Variants in DCC observed in about 807,000 individuals in gnomAD.
DCC encodes netrin receptor DCC.
In DCC, 58 loss-of-function variants were observed where a neutral mutation model predicts 172.5. The ratio of observed to expected loss-of-function variants is 0.34; its 90% CI spans 0.27 to 0.42. The LOEUF (loss-of-function observed/expected upper bound fraction) is 0.42. DCC is among the 10% of genes least tolerant of loss of function. The pLI is 1.00. For missense variants in DCC, 1,740 were observed against 1,791.0 expected (o/e 0.97, Z 0.51); for synonymous variants, 709 against 644.5 (o/e 1.10, Z -1.52).
intron 2 of DCC, among the ~76,000 whole-genome samples, chr18:52,812,667 G>T (rs1471027861): frequency 6.6e-6 from 1 of 152,188 alleles, no homozygotes; most frequent in Non-Finnish European, 1.5e-5. Flanking sequence ...TGCATTTTCA[G>T]AAAACTCAGT....
At chr18:52,948,827 T>C (rs1273808309) in intron 5 of DCC, among the ~76,000 whole-genome samples, 1 of 148,920 alleles carries the variant, frequency 6.7e-6, no homozygotes, top group Non-Finnish European at 1.5e-5. Flanking sequence ...TGTCATATGT[T>C]GTTGTTGTTC....
intron 2 of DCC, among the ~76,000 whole-genome samples, chr18:52,771,930 T>C (rs1222992219): frequency 2.0e-5 from 3 of 151,724 alleles, no homozygotes; most frequent in African/African-American, 4.8e-5. Flanking sequence ...TCAGTGAGGC[T>C]GTTGTCTTTA....
chr18:52,504,558 T>C (rs1008305169), intron 1 of DCC, among the ~76,000 whole-genome samples: 2 of 152,216 alleles, frequency 1.3e-5, no homozygotes, highest in African/African-American at 2.4e-5. Flanking sequence ...TAGAGTCATA[T>C]TGGCTTGGTT....
chr18:53,397,424 A>G lies in DCC; in HGVS notation c.2805A>G (p.Ala935=). 2 of 1,614,064 alleles carry G rather than the reference A, an allele frequency of 1.2e-6. No homozygotes were observed. Among genetic ancestry groups the G allele is most frequent in the Non-Finnish European group, 1.7e-6 (2 of 1,179,942 alleles). Residue 935 remains alanine (A), a synonymous_variant, in exon 18 of 29, where the codon GCA becomes GCG. Coordinates refer to ENST00000442544, the MANE Select transcript of DCC (RefSeq NM_005215.4). The part of the protein sequence containing the change: ...NRRSSTWSMT[A]HATTYEAAPT... The stretch of plus-strand genomic sequence containing the variant: ...GGTCCAGTACTTGGAGCATGACTGC[A>G]CATGCCACCACGTATGAAGCAGGTA...
At chr18:53,295,475 T>C (rs1352524682) in intron 12 of DCC, among the ~76,000 whole-genome samples, 1 of 152,140 alleles carries the variant, frequency 6.6e-6, no homozygotes, top group East Asian at 1.9e-4. Flanking sequence ...TTCATAGATA[T>C]TTATGTTCTA....
chr18:52,787,411 G>T (rs2037680359), intron 2 of DCC, among the ~76,000 whole-genome samples: 1 of 151,526 alleles, frequency 6.6e-6, no homozygotes, highest in Admixed American at 6.6e-5. Flanking sequence ...AAGTTTCCAG[G>T]GTAGTTAGTT....
rs890193333 is a variant in DCC at position 52,913,887 on chromosome 18, A to G, written c.697+7559A>G. Among the ~76,000 whole-genome samples the G allele has an allele frequency of 3.3e-5, 5 of 152,122 alleles. No homozygotes were observed. The South Asian group carries it at 8.3e-4, about 25-fold the overall frequency. On this transcript the variant is annotated intron_variant, in intron 3 of 28. Coordinates refer to ENST00000442544, the MANE Select transcript of DCC (RefSeq NM_005215.4). ...ACAAAAAAATAGTGAAAAGACCTGT[A>G]GAGCTTGCTTCCTTCTTTGGCCTCA...
At chr18:53,465,092 T>C (rs926356644) in intron 24 of DCC, among the ~76,000 whole-genome samples, 12 of 152,104 alleles carry the variant, frequency 7.9e-5, no homozygotes, top group African/African-American at 2.7e-4. Flanking sequence ...GTTTTAATGT[T>C]TGCTTCTACT....
At chr18:52,702,403 C>G (rs556871205) in intron 1 of DCC, among the ~76,000 whole-genome samples, 1 of 152,252 alleles carries the variant, frequency 6.6e-6, no homozygotes, top group East Asian at 1.9e-4. Context: ...TGACCAGGTT[C>G]CTTGAAGTTT....
intron 14 of DCC, among the ~76,000 whole-genome samples, chr18:53,332,154 T>A (rs2057535657): frequency 6.6e-6 from 1 of 152,192 alleles, no homozygotes; most frequent in South Asian, 2.1e-4. Context: ...GAATTACAAT[T>A]CATTGTTGTG....
At chr18:52,617,818 T>TA (rs1276157483) in intron 1 of DCC, among the ~76,000 whole-genome samples, 88 of 152,288 alleles carry the variant, frequency 5.8e-4, no homozygotes, top group African/African-American at 2.0e-3. Context: ...GAAGAGAAGC[T>TA]TATTTTGCTT....
intron 12 of DCC, among the ~76,000 whole-genome samples, chr18:53,259,957 C>T (rs376089945): frequency 6.6e-6 from 1 of 152,110 alleles, no homozygotes; most frequent in Non-Finnish European, 1.5e-5. Context: ...TTCATTTGAT[C>T]TTCCATCACT....
At chr18:53,150,475 T>A (rs2043981238) in intron 7 of DCC, among the ~76,000 whole-genome samples, 1 of 152,154 alleles carries the variant, frequency 6.6e-6, no homozygotes. Context: ...TGATAAACAG[T>A]TTAGACTTGG....
intron 7 of DCC, among the ~76,000 whole-genome samples, chr18:53,090,061 T>C (rs1385563897): frequency 6.6e-6 from 1 of 152,198 alleles, no homozygotes; most frequent in Non-Finnish European, 1.5e-5. Flanking sequence ...CTCAAGTTCA[T>C]GTTCTGACAC....
At chr18:52,386,817 A>G (rs569307572) in intron 1 of DCC, among the ~76,000 whole-genome samples, 1 of 152,236 alleles carries the variant, frequency 6.6e-6, no homozygotes, top group Admixed American at 6.5e-5. Flanking sequence ...TGTACACATT[A>G]CACAACATGT....
At chr18:53,029,468 C>A (rs950545318) in intron 5 of DCC, among the ~76,000 whole-genome samples, 1 of 152,118 alleles carries the variant, frequency 6.6e-6, no homozygotes, top group Admixed American at 6.6e-5. Flanking sequence ...AATCACTGGG[C>A]AGAGTCAATT....
intron 3 of DCC, among the ~76,000 whole-genome samples, chr18:52,906,762 CATATAG>C (rs899106396): frequency 5.1e-4 from 77 of 151,728 alleles, no homozygotes; most frequent in African/African-American, 1.3e-3. Context: ...ATATATGATA[CATATAG>C]ATATATATAT....
chr18:52,786,248 G>T (rs572116518), intron 2 of DCC, among the ~76,000 whole-genome samples: 17 of 151,444 alleles, frequency 1.1e-4, no homozygotes, highest in Non-Finnish European at 2.5e-4. Flanking sequence ...CAGGATAATT[G>T]CTCAGAACTA....
chr18:52,927,097 G>A lies in DCC; in HGVS notation c.985+1727G>A, dbSNP rs1277233391. ...TATATGTGTATATACACGTATATAC[G>A]TGTATATACACGTATATACGTGTAT... On this transcript the variant is annotated intron_variant, in intron 5 of 28. Coordinates refer to ENST00000442544, the MANE Select transcript of DCC (RefSeq NM_005215.4). Among the ~76,000 whole-genome samples the A allele has an allele frequency of 1.3e-4, 13 of 101,896 alleles. 4 individuals carry two copies. Among genetic ancestry groups the A allele is most frequent in the East Asian group, 2.6e-4 (1 of 3,844 alleles). 66.8% of individuals were successfully genotyped at this position (101,896 alleles called of 152,430 possible).
Sources: allele counts gnomAD v4.1 joint callset (sites outside exome capture counted in the v4.1 genomes callset), GRCh38; gene constraint gnomAD v4.1.1; transcripts MANE v1.5; gene names NCBI Gene and HGNC (gene_info 2026-07-23, HGNC 2026-07-21).